Variants in DNM3 observed in about 807,000 individuals in gnomAD.
DNM3 encodes the protein dynamin 3.
DNM3 carries 47 observed loss-of-function variants against 101.6 expected under a neutral mutation model. The observed-to-expected ratio is 0.46, with a 90% confidence interval of 0.37 to 0.59. The LOEUF (loss-of-function observed/expected upper bound fraction) is 0.59. DNM3 is among the 20% of genes least tolerant of loss of function. The probability of loss-of-function intolerance (pLI) is 0.00; values close to 1 mark genes in which losing one functional copy is unlikely to be tolerated. For missense variants in DNM3, 849 were observed against 1,085.7 expected (o/e 0.78, Z 3.06); for synonymous variants, 385 against 387.9 (o/e 0.99, Z 0.09).
intron 2 of DNM3, among the ~76,000 whole-genome samples, chr1:171,944,540 A>T (rs2042030619): frequency 6.6e-6 from 1 of 151,482 alleles, no homozygotes; most frequent in Non-Finnish European, 1.5e-5. Flanking sequence ...TGCCCAGCTA[A>T]TTTTCTGTAT....
chr1:172,046,295 T>C (rs1405376897), intron 9 of DNM3, among the ~76,000 whole-genome samples: 1 of 152,102 alleles, frequency 6.6e-6, no homozygotes, highest in Non-Finnish European at 1.5e-5. Flanking sequence ...CTCAGTAAAC[T>C]ATCTCAAGGA....
chr1:172,206,123 C>T (rs925671914), intron 14 of DNM3, among the ~76,000 whole-genome samples: 7 of 152,104 alleles, frequency 4.6e-5, no homozygotes, highest in Non-Finnish European at 8.8e-5. Context: ...TGCTTTCAAG[C>T]TTACTATGAC....
At chr1:171,872,337 C>CT (rs980617900) in intron 1 of DNM3, among the ~76,000 whole-genome samples, 20 of 150,842 alleles carry the variant, frequency 1.3e-4, no homozygotes, top group African/African-American at 4.1e-4. Flanking sequence ...ATAGTTTTTC[C>CT]TTTTTTTTTC....
intron 11 of DNM3, among the ~76,000 whole-genome samples, chr1:172,080,467 C>T (rs1353469741): frequency 6.6e-6 from 1 of 152,138 alleles, no homozygotes; most frequent in Non-Finnish European, 1.5e-5. Context: ...TGGCAGACGC[C>T]CCTCCCCCAA....
chr1:171,897,788 T>C (rs2037943463), intron 1 of DNM3, among the ~76,000 whole-genome samples: 1 of 152,232 alleles, frequency 6.6e-6, no homozygotes, highest in Non-Finnish European at 1.5e-5. Flanking sequence ...CAATCTGTGT[T>C]AACATTTGCT....
In DNM3 at chr1:172,060,020, A is replaced by G. The variant is rs187979152; in HGVS notation, c.1336-8799A>G. ...AAGTCTCAGGATACAAAATCAATGT[A>G]CAGAAATCACAAGCATTCTTATATA... On this transcript the variant is annotated intron_variant, in intron 10 of 20. Transcript: ENST00000627582. Among the ~76,000 whole-genome samples, 564 of 151,838 alleles carry G rather than the reference A, an allele frequency of 3.7e-3. 6 individuals carry two copies. The highest frequency in any genetic ancestry group is 0.013 in the African/African-American group (545 of 41,400).
intron 2 of DNM3, among the ~76,000 whole-genome samples, chr1:171,964,598 A>G (rs1220295938): frequency 3.9e-5 from 6 of 152,194 alleles, no homozygotes; most frequent in Non-Finnish European, 8.8e-5. Context: ...GGGCTGTGTC[A>G]TGGGCAATGG....
chr1:171,868,020 G>C (rs549246155), intron 1 of DNM3, among the ~76,000 whole-genome samples: 1 of 152,096 alleles, frequency 6.6e-6, no homozygotes, highest in South Asian at 2.1e-4. Context: ...CACTCTTATA[G>C]GTATATAAAC....
chr1:172,113,620 CAAA>C (rs34129992), intron 13 of DNM3, among the ~76,000 whole-genome samples: 6 of 52,358 alleles, frequency 1.1e-4, no homozygotes, highest in African/African-American at 3.2e-4. Context: ...AACTCTGTCT[CAAA>C]AAAAAAAAAA....
At chr1:172,136,246 TA>T (rs2057221987) in intron 14 of DNM3, among the ~76,000 whole-genome samples, 1 of 152,194 alleles carries the variant, frequency 6.6e-6, no homozygotes, top group Admixed American at 6.5e-5. Flanking sequence ...TTTCATTTTG[TA>T]ACAATAACAA....
intron 13 of DNM3, among the ~76,000 whole-genome samples, chr1:172,101,077 G>C (rs901397719): frequency 2.2e-4 from 34 of 152,144 alleles, no homozygotes; most frequent in African/African-American, 7.2e-4. Flanking sequence ...AGAACACATG[G>C]GCTGCCTCTC....
At chr1:172,276,420 A>G (rs1271996870) in intron 15 of DNM3, among the ~76,000 whole-genome samples, 2 of 152,034 alleles carry the variant, frequency 1.3e-5, no homozygotes, top group Non-Finnish European at 2.9e-5. Context: ...TTCTCTAAAC[A>G]GGAAGAAGTT....
chr1:171,852,117 T>G lies in DNM3; in HGVS notation c.161+10300T>G, dbSNP rs754584641. On this transcript the variant is annotated intron_variant, in intron 1 of 20. Transcript: ENST00000627582. Reference sequence around the variant, plus strand: ...TAATTTAAAAAAGCTGTCTTTTAATTGAAAAAGTGATATGTACATGTAATA... The same window carrying G: ...TAATTTAAAAAAGCTGTCTTTTAATGGAAAAAGTGATATGTACATGTAATA... Among the ~76,000 whole-genome samples, 79 of 152,210 alleles carry G rather than the reference T, an allele frequency of 5.2e-4. 1 individual carries two copies. The highest frequency in any genetic ancestry group is 1.2e-4 in the Non-Finnish European group (8 of 68,032).
At chr1:172,226,762 A>G (rs2061137289) in intron 14 of DNM3, among the ~76,000 whole-genome samples, 1 of 152,022 alleles carries the variant, frequency 6.6e-6, no homozygotes, top group Non-Finnish European at 1.5e-5. Flanking sequence ...ATGGGCATTT[A>G]TTTTCAGTTT....
rs1558306166 is a variant in DNM3, at chr1:171,944,854, CCT to C, written c.235+23034_235+23035del. Among the ~76,000 whole-genome samples the C allele has an allele frequency of 1.6e-4, 6 of 37,588 alleles. 2 individuals carry two copies. Among genetic ancestry groups the C allele is most frequent in the Admixed American group, 3.5e-4 (1 of 2,838 alleles). The allele number at this position is 37,588 out of a possible 152,430, so 24.7% of individuals were successfully genotyped here. A position where few individuals can be genotyped will look rare whatever the true frequency, so the allele number is the denominator to read the frequency against. On this transcript the variant is annotated intron_variant, in intron 2 of 20. Transcript: ENST00000627582. ...TTTGTTTTCTTTTTTTTTGGTGTTT[CCT>C]TTTTTTTTTTTTTTTTTTTTTTTTT...
chr1:171,885,948 A>T (rs565799170), intron 1 of DNM3, among the ~76,000 whole-genome samples: 1 of 152,080 alleles, frequency 6.6e-6, no homozygotes, highest in Non-Finnish European at 1.5e-5. Flanking sequence ...TGAAACTGAG[A>T]GTAGGATGAG....
intron 14 of DNM3, among the ~76,000 whole-genome samples, chr1:172,208,710 C>T (rs2060408733): frequency 1.3e-5 from 2 of 152,046 alleles, no homozygotes; most frequent in South Asian, 4.1e-4. Context: ...TGTATTTGGT[C>T]TTACGTTAGC....
intron 13 of DNM3, among the ~76,000 whole-genome samples, chr1:172,128,964 C>T (rs920545375): frequency 1.2e-4 from 18 of 152,142 alleles, no homozygotes; most frequent in Middle Eastern, 3.2e-3. Context: ...TCCATTGAAA[C>T]GCAGGTACTA....
At chr1:172,304,213 A>AAAAAAAAAAAAAAAAAAAAAC (rs1553227989) in intron 15 of DNM3, among the ~76,000 whole-genome samples, 2 of 133,562 alleles carry the variant, frequency 1.5e-5, no homozygotes, top group Admixed American at 7.1e-5. Context: ...AAGCAAAAAA[A>AAAAAAAAAAAAAAAAAAAAAC]AAAAAAAAAC....
Sources: gnomAD v4.1 joint callset for allele counts (sites outside exome capture counted in the v4.1 genomes callset) on GRCh38, gnomAD v4.1.1 for gene constraint, MANE v1.5 for transcripts, NCBI Gene and HGNC (gene_info 2026-07-23, HGNC 2026-07-21) for gene names.